The following GPC5 variants were observed in gnomAD, a reference collection of about 807,000 sequenced individuals.
GPC5 encodes the protein glypican-5.
In GPC5, 47 loss-of-function variants were observed where a neutral mutation model predicts 53.9. The ratio of observed to expected loss-of-function variants is 0.87; its 90% CI spans 0.69 to 1.11. The LOEUF (loss-of-function observed/expected upper bound fraction) is 1.11. Among genes scored for constraint, GPC5 ranks in the 50% most tolerant of loss-of-function variants. The pLI is 0.00. For missense variants in GPC5, 748 were observed against 713.1 expected, an observed-to-expected ratio of 1.05 and a Z score of -0.56; for synonymous variants, 286 against 263.3, an observed-to-expected ratio of 1.09 and a Z score of -0.84.
chr13:92,069,532 A>G (rs1188457197), intron 6 of GPC5, among the ~76,000 whole-genome samples: 1 of 152,024 alleles, frequency 6.6e-6, no homozygotes, highest in African/African-American at 2.4e-5. Context: ...ATCTCCATAT[A>G]GAGATAGTTA....
At chr13:92,001,847 A>T (rs1244168083) in intron 6 of GPC5, among the ~76,000 whole-genome samples, 1 of 152,174 alleles carries the variant, frequency 6.6e-6, no homozygotes, top group African/African-American at 2.4e-5. Context: ...AGTGAATTGG[A>T]AGGCATATTA....
intron 7 of GPC5, among the ~76,000 whole-genome samples, chr13:92,699,163 T>C (rs1271177101): frequency 3.9e-5 from 6 of 152,186 alleles, no homozygotes; most frequent in African/African-American, 1.2e-4. Flanking sequence ...TGGGAGGGTG[T>C]ATATGTCCAG....
intron 7 of GPC5, among the ~76,000 whole-genome samples, chr13:92,396,317 T>C (rs1218352396): frequency 6.6e-6 from 1 of 152,190 alleles, no homozygotes; most frequent in Non-Finnish European, 1.5e-5. Context: ...TTGTAGCATT[T>C]CCTTTCCATT....
chr13:92,112,342 G>A (rs997735921), intron 6 of GPC5, among the ~76,000 whole-genome samples: 2 of 152,058 alleles, frequency 1.3e-5, no homozygotes, highest in East Asian at 3.9e-4. Context: ...TAATATTAAA[G>A]AGATGGATGA....
At chr13:91,588,843 A>C (rs1277838889) in intron 2 of GPC5, among the ~76,000 whole-genome samples, 1 of 152,104 alleles carries the variant, frequency 6.6e-6, no homozygotes, top group Non-Finnish European at 1.5e-5. Context: ...GTAGGCTAAA[A>C]ATTTGACCTG....
At chr13:92,572,705 C>A (rs1883068853) in intron 7 of GPC5, among the ~76,000 whole-genome samples, 1 of 152,100 alleles carries the variant, frequency 6.6e-6, no homozygotes, top group Admixed American at 6.6e-5. Flanking sequence ...CCAAGTTGTT[C>A]TTCCTCAATA....
chr13:92,361,370 T>G (rs1305790419), intron 7 of GPC5, among the ~76,000 whole-genome samples: 3 of 151,656 alleles, frequency 2.0e-5, no homozygotes, highest in Admixed American at 2.0e-4. Context: ...GTCATTTAGC[T>G]TGTCACTGAC....
chr13:92,045,233 T>C (rs2040972571), intron 6 of GPC5, among the ~76,000 whole-genome samples: 1 of 152,008 alleles, frequency 6.6e-6, no homozygotes, highest in Admixed American at 6.5e-5. Flanking sequence ...GATTCAAGAG[T>C]AAAATGTGTC....
intron 7 of GPC5, among the ~76,000 whole-genome samples, chr13:92,810,534 G>C (rs1594522436): frequency 6.6e-6 from 1 of 151,634 alleles, no homozygotes; most frequent in East Asian, 1.9e-4. Context: ...CACCTCTCTA[G>C]TTCCAAACCA....
chr13:91,625,528 A>T (rs1413966871), intron 2 of GPC5, among the ~76,000 whole-genome samples: 1 of 151,990 alleles, frequency 6.6e-6, no homozygotes, highest in East Asian at 1.9e-4. Context: ...GAGTAGAGAG[A>T]GTGGAAGAAG....
intron 6 of GPC5, among the ~76,000 whole-genome samples, chr13:91,949,415 G>T (rs1440315760): frequency 6.6e-6 from 1 of 152,044 alleles, no homozygotes; most frequent in Non-Finnish European, 1.5e-5. Flanking sequence ...ATTAAAAAAG[G>T]AAAGCAACAA....
At chr13:92,703,264 A>G (rs1352066840) in intron 7 of GPC5, among the ~76,000 whole-genome samples, 3 of 151,764 alleles carry the variant, frequency 2.0e-5, no homozygotes, top group Admixed American at 6.6e-5. Context: ...TTAAAAATAG[A>G]GAATAGGGAA....
At chr13:91,788,560 G>A (rs1352023073) in intron 5 of GPC5, among the ~76,000 whole-genome samples, 3 of 152,024 alleles carry the variant, frequency 2.0e-5, no homozygotes, top group Non-Finnish European at 4.4e-5. Context: ...TCCTTGATGG[G>A]GAATCCAGAA....
intron 6 of GPC5, among the ~76,000 whole-genome samples, chr13:92,067,392 A>G (rs1250332601): frequency 6.6e-6 from 1 of 152,072 alleles, no homozygotes; most frequent in East Asian, 1.9e-4. Context: ...TAATTCTGGT[A>G]TGCGTGCAAC....
chr13:92,640,001 A>ACTCT (rs1885537732), intron 7 of GPC5, among the ~76,000 whole-genome samples: 1 of 147,736 alleles, frequency 6.8e-6, no homozygotes, highest in Non-Finnish European at 1.5e-5. Context: ...ACTCTCTCTC[A>ACTCT]CTCTCCCTTC....
At chr13:91,501,951 G>A (rs1276978053) in intron 2 of GPC5, among the ~76,000 whole-genome samples, 2 of 152,228 alleles carry the variant, frequency 1.3e-5, no homozygotes, top group Non-Finnish European at 2.9e-5. Context: ...ACTGGTGTGA[G>A]ATGGTATCTC....
intron 7 of GPC5, among the ~76,000 whole-genome samples, chr13:92,734,844 C>T (rs1888896472): frequency 6.6e-6 from 1 of 151,894 alleles, no homozygotes; most frequent in Non-Finnish European, 1.5e-5. Flanking sequence ...ACTTTGCAGT[C>T]TTCCTAAAAG....
chr13:92,483,329 C>T (rs1297797002), intron 7 of GPC5, among the ~76,000 whole-genome samples: 2 of 152,180 alleles, frequency 1.3e-5, no homozygotes, highest in South Asian at 2.1e-4. Context: ...GCCTTTTGCT[C>T]CCAGGCTACA....
chr13:92,855,015 A>G (rs967327688), intron 7 of GPC5, among the ~76,000 whole-genome samples: 3 of 152,126 alleles, frequency 2.0e-5, no homozygotes, highest in South Asian at 2.1e-4. Context: ...TTGTGGTTTC[A>G]GGTCTAACAT....
Sources: gnomAD v4.1 joint callset for allele counts (sites outside exome capture counted in the v4.1 genomes callset) on GRCh38, gnomAD v4.1.1 for gene constraint, MANE v1.5 for transcripts, NCBI Gene and HGNC (gene_info 2026-07-23, HGNC 2026-07-21) for gene names.